The following YIPF1 variants were observed in gnomAD, a reference collection of about 807,000 sequenced individuals.
The protein encoded by YIPF1 is Yip1 domain family member 1, also known as protein YIPF1.
YIPF1 carries 22 observed loss-of-function variants against 37.0 expected under a neutral mutation model. The ratio of observed to expected loss-of-function variants is 0.59; its 90% CI spans 0.42 to 0.85. YIPF1 has a LOEUF of 0.85. YIPF1 is among the 40% of genes least tolerant of loss of function. YIPF1 has a pLI of 0.00. For synonymous variants in YIPF1, 128 were observed against 131.9 expected (o/e 0.97, Z 0.21); for missense variants, 355 against 373.1 (o/e 0.95, Z 0.40).
At position 53,867,023 on chromosome 1, in the gene YIPF1, A is replaced by G. The variant is rs141346680; in HGVS notation, c.482-99T>C. 1.9e-4 allele frequency: 269 copies of G among 1,409,004 alleles called. 1 individual carries two copies. The African/African-American group carries it at 3.5e-3, about 18-fold the overall frequency. The allele number at this position is 1,409,004 out of a possible 1,614,324, so 87.3% of individuals were successfully genotyped here. A position where few individuals can be genotyped will look rare whatever the true frequency, so the allele number is the denominator to read the frequency against. ...ATTGTACTTAAATGCTAACATGTCA[A>G]TTGACTTCAGTGGACCACGGAATCA... On this transcript the variant is annotated intron_variant, in intron 7 of 10. Transcript: ENST00000072644.
At position 53,871,455 on chromosome 1, in the gene YIPF1, G is replaced by C. The variant is rs1557606327; in HGVS notation, c.398C>G (p.Ala133Gly). Residue 133 changes from alanine (A) to glycine (G), a missense_variant, in exon 7 of 11, where the codon GCC becomes GGC. Coordinates refer to ENST00000072644, the MANE Select transcript of YIPF1 (RefSeq NM_018982.5). Reference sequence around the variant, plus strand: ...GGAAAGATTCCCACTAATTGCTATGGCAAAGACCAACGTGGCACATATCCA... The same window carrying C: ...GGAAAGATTCCCACTAATTGCTATGCCAAAGACCAACGTGGCACATATCCA... ...PFWICATLVF[A>G]IAISGNLSNF... 1 of 1,613,938 alleles carries C rather than the reference G, an allele frequency of 6.2e-7. No homozygotes were observed. Among genetic ancestry groups the C allele is most frequent in the Admixed American group, 1.7e-5 (1 of 60,002 alleles).
chr1:53,885,091 T>C (rs1052772340), intron 3 of YIPF1, among the ~76,000 whole-genome samples: 1 of 152,222 alleles, frequency 6.6e-6, no homozygotes, highest in Non-Finnish European at 1.5e-5. Flanking sequence ...TAATACTCAG[T>C]AGCTCCATGA....
Position 53,870,160 on chromosome 1 carries a change from C to CTCTTTTTTTTTTTTT in YIPF1, c.481+1211_481+1212insAAAAAAAAAAAAAGA, listed in dbSNP as rs1557605849. On this transcript the variant is annotated intron_variant, in intron 7 of 10. Transcript: ENST00000072644. ...AGGCTTGAGCCACCGCACCGGGTCTCTTTTTTTTTTTTTTTTTTTTTTTTT... is the reference window on the plus strand; with the variant it reads ...AGGCTTGAGCCACCGCACCGGGTCTCTCTTTTTTTTTTTTTTTTTTTTTTTTTTTTTTTTTTTTTT... Among the ~76,000 whole-genome samples the CTCTTTTTTTTTTTTT allele has an allele frequency of 3.2e-4, 29 of 91,216 alleles. 5 individuals are homozygous for CTCTTTTTTTTTTTTT. Among genetic ancestry groups the CTCTTTTTTTTTTTTT allele is most frequent in the African/African-American group, 1.2e-3 (28 of 22,616 alleles). The allele number at this position is 91,216 out of a possible 152,430, so 59.8% of individuals were successfully genotyped here.
rs756604294 is a variant in YIPF1 at position 53,871,402 on chromosome 1, T to C, written c.451A>G (p.Thr151Ala). ...SNFLIHLGEK[T>A]YHYVPEFRKV... Reference sequence around the variant, plus strand: ...CGGAATTCGGGCACATAATGGTACGTCTTCTCTCCCAGATGGATCAAGAAG... The same window carrying C: ...CGGAATTCGGGCACATAATGGTACGCCTTCTCTCCCAGATGGATCAAGAAG... Residue 151 changes from threonine (T) to alanine (A), a missense_variant, in exon 7 of 11, where the codon ACG (threonine) becomes GCG (alanine). Transcript: ENST00000072644. The C allele has an allele frequency of 1.2e-5, 19 of 1,614,000 alleles. 1 individual carries two copies. The South Asian group carries it at 2.0e-4, about 17-fold the overall frequency.
At chr1:53,853,615 C>T (rs770200648) in intron 10 of YIPF1, among the ~76,000 whole-genome samples, 3 of 152,152 alleles carry the variant, frequency 2.0e-5, no homozygotes, top group African/African-American at 7.2e-5. Context: ...CAGATGTCAG[C>T]GTTTGATGAT....
At chr1:53,853,136 G>A (rs745656408) in intron 10 of YIPF1, among the ~76,000 whole-genome samples, 2 of 152,158 alleles carry the variant, frequency 1.3e-5, no homozygotes, top group Non-Finnish European at 2.9e-5. Context: ...CAAATATTGA[G>A]GACCCATGTG....
chr1:53,882,780 T>C (rs1198544500), intron 4 of YIPF1, among the ~76,000 whole-genome samples: 6 of 91,616 alleles, frequency 6.5e-5, no homozygotes, highest in African/African-American at 2.6e-4. Context: ...CTTTCCTACA[T>C]AGCAAGGACA....
At chr1:53,871,581 T>G (rs1650193787) in intron 6 of YIPF1, 93 bp from the exon 7 acceptor site, 1 of 1,088,392 alleles carries the variant, frequency 9.2e-7, no homozygotes, top group East Asian at 2.4e-5. Flanking sequence ...TGTATTCATG[T>G]TAGCAAAAGA....
Position 53,888,967 on chromosome 1 carries a change from G to C in YIPF1, c.-30C>G. The C allele has an allele frequency of 1.9e-6, 3 of 1,594,274 alleles. No homozygotes were observed. The highest frequency in any genetic ancestry group is 2.6e-6 in the Non-Finnish European group (3 of 1,164,008). ...CCAGTGAGTCTTCTCCCAATTATGA[G>C]GAAGAAAATTTGCAGGGTTCTAAAA... On this transcript the variant is annotated 5_prime_UTR_variant, in exon 3 of 11. Coordinates refer to ENST00000072644, the MANE Select transcript of YIPF1 (RefSeq NM_018982.5).
intron 2 of YIPF1, 112 bp downstream of exon 2, chr1:53,889,132 T>C (rs1043144073): frequency 2.1e-6 from 1 of 471,658 alleles, no homozygotes; most frequent in Non-Finnish European, 3.8e-6. Context: ...CCACTAAGCA[T>C]CAGGTATTAT....
Position 53,866,184 on chromosome 1 carries a change from A to G in YIPF1, c.831+16T>C, listed in dbSNP as rs1279281273. On this transcript the variant is annotated intron_variant, in intron 9 of 10. Transcript: ENST00000072644. Reference sequence around the variant, plus strand: ...GATATAAAACACACCAAAAGAATATACGACTGAACCCATACCAAGCAGCCC... The same window carrying G: ...GATATAAAACACACCAAAAGAATATGCGACTGAACCCATACCAAGCAGCCC... The G allele has an allele frequency of 6.2e-7, 1 of 1,610,332 alleles. No homozygotes were observed. Among genetic ancestry groups the G allele is most frequent in the Admixed American group, 1.7e-5 (1 of 59,360 alleles).
intron 3 of YIPF1, among the ~76,000 whole-genome samples, chr1:53,885,039 AG>A (rs1452825036): frequency 2.6e-5 from 4 of 152,218 alleles, no homozygotes; most frequent in African/African-American, 7.2e-5. Flanking sequence ...AAGCAACATG[AG>A]GTTCTGGAGT....
chr1:53,878,624 T>C lies in YIPF1; in HGVS notation c.276+18A>G. ...TCTCCTTTACCCGTAAAAGGAAAGG[T>C]GAAATTGGTTTCCAAACCTGGTAGG... On this transcript the variant is annotated intron_variant, in intron 5 of 10. Coordinates refer to ENST00000072644, the MANE Select transcript of YIPF1 (RefSeq NM_018982.5). 1 of 1,597,786 alleles carries C rather than the reference T, an allele frequency of 6.3e-7. No individual in the cohort carries two copies. Among genetic ancestry groups the C allele is most frequent in the African/African-American group, 1.4e-5 (1 of 73,756 alleles).
At chr1:53,871,721 C>T (rs1395560797) in intron 6 of YIPF1, among the ~76,000 whole-genome samples, 3 of 152,000 alleles carry the variant, frequency 2.0e-5, no homozygotes, top group African/African-American at 4.8e-5. Context: ...AAGGCCAAAA[C>T]GCCTTCCACA....
rs1015342830 is a variant in YIPF1 at position 53,889,718 on chromosome 1, G to C, written c.-275C>G. ...CGCAAACTCGGCAGCCTCACCTCGC[G>C]GGGTTAGGCGTCCCCCGGGTCCCGA... is the stretch of plus-strand genomic sequence containing the variant. On this transcript the variant is annotated 5_prime_UTR_variant, in exon 1 of 11. Transcript: ENST00000072644. 6.6e-6 allele frequency: 1 copy of C among 152,252 alleles called. No individual in the cohort carries two copies. Among genetic ancestry groups the C allele is most frequent in the African/African-American group, 2.4e-5 (1 of 41,442 alleles). 9.4% of individuals were successfully genotyped at this position (152,252 alleles called of 1,614,324 possible). A position where few individuals can be genotyped will look rare whatever the true frequency, so the allele number is the denominator to read the frequency against.
intron 10 of YIPF1, among the ~76,000 whole-genome samples, chr1:53,857,797 T>G (rs569523942): frequency 6.6e-6 from 1 of 152,008 alleles, no homozygotes; most frequent in Non-Finnish European, 1.5e-5. Context: ...CTGGCCAACA[T>G]AGTGAAACCC....
chr1:53,887,085 GTGTTTGTT>G (rs1304166465), intron 3 of YIPF1, among the ~76,000 whole-genome samples: 1 of 151,818 alleles, frequency 6.6e-6, no homozygotes, highest in African/African-American at 2.4e-5. Flanking sequence ...TTTCGTTTTT[GTGTTTGTT>G]TGTTTATGTT....
chr1:53,885,577 T>C (rs1368053542), intron 3 of YIPF1, among the ~76,000 whole-genome samples: 1 of 151,796 alleles, frequency 6.6e-6, no homozygotes, highest in South Asian at 2.1e-4. Flanking sequence ...TCCCAGCACT[T>C]TGGGAGGCTG....
intron 6 of YIPF1, among the ~76,000 whole-genome samples, chr1:53,872,368 T>C (rs960246774): frequency 5.3e-5 from 8 of 152,200 alleles, no homozygotes; most frequent in Admixed American, 3.9e-4. Flanking sequence ...TGTGTACCCT[T>C]CTATTTTCAC....
Sources: gnomAD v4.1 joint callset for allele counts (sites outside exome capture counted in the v4.1 genomes callset) on GRCh38, gnomAD v4.1.1 for gene constraint, MANE v1.5 for transcripts, NCBI Gene and HGNC (gene_info 2026-07-23, HGNC 2026-07-21) for gene names.